PTPRR: variants seen among roughly 807,000 people sequenced by gnomAD.
PTPRR encodes the protein protein tyrosine phosphatase receptor type R.
PTPRR carries 38 observed loss-of-function variants against 77.2 expected under a neutral mutation model. That is an observed-to-expected ratio of 0.49 (90% CI 0.38 to 0.65). The LOEUF (loss-of-function observed/expected upper bound fraction) is 0.65. PTPRR is among the 30% of genes least tolerant of loss of function. The probability of loss-of-function intolerance (pLI) is 0.00; values close to 1 mark genes in which losing one functional copy is unlikely to be tolerated. For synonymous variants in PTPRR, 299 were observed against 283.1 expected, an observed-to-expected ratio of 1.06 and a Z score of -0.57; for missense variants, 744 against 799.2, an observed-to-expected ratio of 0.93 and a Z score of 0.83.
chr12:70,893,690 G>A (rs1374185576), intron 1 of PTPRR, among the ~76,000 whole-genome samples: 1 of 151,852 alleles, frequency 6.6e-6, no homozygotes, highest in Non-Finnish European at 1.5e-5. Context: ...TTCCTCTTTT[G>A]TGCTGGCTGA....
intron 2 of PTPRR, among the ~76,000 whole-genome samples, chr12:70,846,434 AC>A (rs1416493449): frequency 6.6e-6 from 1 of 152,120 alleles, no homozygotes; most frequent in East Asian, 1.9e-4. Flanking sequence ...CTTAAGACTC[AC>A]TTGTTTATTT....
chr12:70,816,975 C>G (rs1041310788), intron 2 of PTPRR, among the ~76,000 whole-genome samples: 1 of 152,080 alleles, frequency 6.6e-6, no homozygotes, highest in Non-Finnish European at 1.5e-5. Flanking sequence ...AGAATGATCA[C>G]AGTCTATTAA....
intron 2 of PTPRR, among the ~76,000 whole-genome samples, chr12:70,867,580 A>G (rs1324149030): frequency 5.9e-5 from 9 of 151,658 alleles, no homozygotes; most frequent in Non-Finnish European, 1.2e-4. Context: ...ATGGGTAGGA[A>G]GAATCAATAT....
intron 10 of PTPRR, among the ~76,000 whole-genome samples, chr12:70,663,724 G>A (rs755124521): frequency 2.6e-5 from 4 of 152,072 alleles, no homozygotes; most frequent in Non-Finnish European, 5.9e-5. Flanking sequence ...TTTATTTTGA[G>A]TGCTCTTGGA....
chr12:70,833,903 T>C (rs924904578), intron 2 of PTPRR, among the ~76,000 whole-genome samples: 2 of 152,202 alleles, frequency 1.3e-5, no homozygotes, highest in African/African-American at 4.8e-5. Flanking sequence ...CCAGGCATTT[T>C]ATCACACTTT....
chr12:70,770,280 C>G (rs911645025), intron 2 of PTPRR, among the ~76,000 whole-genome samples: 14 of 151,642 alleles, frequency 9.2e-5, no homozygotes, highest in Non-Finnish European at 1.6e-4. Flanking sequence ...GGCTAATATC[C>G]AGAATCTACA....
chr12:70,879,615 G>T (rs1194276849), intron 2 of PTPRR, among the ~76,000 whole-genome samples: 1 of 152,124 alleles, frequency 6.6e-6, no homozygotes, highest in East Asian at 1.9e-4. Context: ...GAGCCAAACA[G>T]AACATTATGT....
At chr12:70,858,809 T>C (rs1477535700) in intron 2 of PTPRR, among the ~76,000 whole-genome samples, 1 of 152,074 alleles carries the variant, frequency 6.6e-6, no homozygotes, top group African/African-American at 2.4e-5. Flanking sequence ...ATTGGTGCCA[T>C]TCTAAGTCCA....
chr12:70,899,472 A>G (rs1278858067), intron 1 of PTPRR, among the ~76,000 whole-genome samples: 1 of 151,482 alleles, frequency 6.6e-6, no homozygotes, highest in Non-Finnish European at 1.5e-5. Context: ...AGGAAAAATA[A>G]TAGTCATACT....
intron 2 of PTPRR, among the ~76,000 whole-genome samples, chr12:70,813,286 A>G (rs1166047896): frequency 6.6e-6 from 1 of 152,190 alleles, no homozygotes; most frequent in Non-Finnish European, 1.5e-5. Context: ...AAACTCTACC[A>G]TCTTTGCAAA....
chr12:70,660,827 T>C (rs1393137606), intron 12 of PTPRR, 113 bp downstream of exon 12: 2 of 1,062,852 alleles, frequency 1.9e-6, no homozygotes, highest in Non-Finnish European at 2.6e-6. Flanking sequence ...TTTCAATAAA[T>C]ATTTAATTTG....
intron 8 of PTPRR, among the ~76,000 whole-genome samples, chr12:70,692,566 C>T (rs1221299055): frequency 1.3e-5 from 2 of 152,176 alleles, no homozygotes; most frequent in African/African-American, 2.4e-5. Context: ...ATCCCAAGGC[C>T]TCACCAACAG....
Position 70,880,766 on chromosome 12 carries a change from C to G in PTPRR, c.357+11913G>C, listed in dbSNP as rs572384253. On this transcript the variant is annotated intron_variant, in intron 2 of 13. Coordinates refer to ENST00000283228, the MANE Select transcript of PTPRR (RefSeq NM_002849.4). The stretch of plus-strand genomic sequence containing the variant: ...TTTACACATCTGAGAAGCCCATTGT[C>G]CTTGCTTATTTCTAGTTCCTTACAG... 5.4e-4 allele frequency among the ~76,000 whole-genome samples: 82 copies of G among 152,202 alleles called. No homozygotes were observed. The South Asian group carries it at 0.016, about 30-fold the overall frequency.
At chr12:70,875,219 A>G (rs185313945) in intron 2 of PTPRR, among the ~76,000 whole-genome samples, 369 of 152,334 alleles carry the variant, frequency 2.4e-3, no homozygotes, top group African/African-American at 8.4e-3. Context: ...AAGGAAAAAT[A>G]AAGCAGAGAA....
At chr12:70,838,384 A>C (rs1892340221) in intron 2 of PTPRR, among the ~76,000 whole-genome samples, 1 of 152,174 alleles carries the variant, frequency 6.6e-6, no homozygotes, top group South Asian at 2.1e-4. Flanking sequence ...TATCTACTCT[A>C]AAGGTCAATA....
chr12:70,671,270 G>A (rs74101541), intron 10 of PTPRR, among the ~76,000 whole-genome samples: 1,792 of 151,968 alleles, frequency 0.012, 34 homozygotes, highest in African/African-American at 0.04. Context: ...TTATATTTAC[G>A]TCTTTGGAGA....
At chr12:70,785,875 A>T (rs191308320) in intron 2 of PTPRR, among the ~76,000 whole-genome samples, 16 of 152,214 alleles carry the variant, frequency 1.1e-4, no homozygotes, top group Non-Finnish European at 1.9e-4. Flanking sequence ...TCTCATTATT[A>T]TATGTTTGAG....
chr12:70,709,116 C>T (rs959174438), intron 6 of PTPRR, among the ~76,000 whole-genome samples: 5 of 152,042 alleles, frequency 3.3e-5, no homozygotes, highest in Non-Finnish European at 4.4e-5. Flanking sequence ...CATCAAAAAG[C>T]TTACCCACTG....
chr12:70,884,599 G>A (rs1674648686), intron 2 of PTPRR, among the ~76,000 whole-genome samples: 1 of 151,928 alleles, frequency 6.6e-6, no homozygotes, highest in Non-Finnish European at 1.5e-5. Context: ...CAGGCGCGGT[G>A]GCTCACGCCT....
Sources: allele counts gnomAD v4.1 joint callset (sites outside exome capture counted in the v4.1 genomes callset), GRCh38; gene constraint gnomAD v4.1.1; transcripts MANE v1.5; gene names NCBI Gene and HGNC (gene_info 2026-07-23, HGNC 2026-07-21).